The following ZC3H12B variants were observed in gnomAD, a reference collection of about 807,000 sequenced individuals.
ZC3H12B encodes the protein zinc finger CCCH-type containing 12B.
ZC3H12B carries 7 observed loss-of-function variants against 43.9 expected under a neutral mutation model. The observed-to-expected ratio is 0.16, with a 90% CI of 0.09 to 0.30. The LOEUF is 0.30. Ranked by LOEUF, ZC3H12B falls within the 10% of genes least tolerant of loss-of-function variation. The probability of loss-of-function intolerance (pLI) is 1.00; values close to 1 mark genes in which losing one functional copy is unlikely to be tolerated. For synonymous variants in ZC3H12B, 222 were observed against 241.7 expected (o/e 0.92, Z 0.76); for missense variants, 475 against 670.2 (o/e 0.71, Z 3.22).
upstream of ZC3H12B, among the ~76,000 whole-genome samples, chrX:65,484,265 C>G (rs2068098019): frequency 1.8e-5 from 2 of 111,059 alleles, no homozygotes; most frequent in East Asian, 5.7e-4. Context: ...GGGCTTAATA[C>G]CTGGGTGATG....
At chrX:65,344,235 C>T in the ZC3H12B span, among the ~76,000 whole-genome samples, 5 of 112,014 alleles carry the variant, frequency 4.5e-5, no homozygotes, top group African/African-American at 6.5e-5. Context: ...GAATTGATAT[C>T]GTTAAAATGG....
the ZC3H12B span, among the ~76,000 whole-genome samples, chrX:65,333,721 G>C: frequency 4.5e-5 from 5 of 111,363 alleles, no homozygotes. Context: ...ACACCTGTTA[G>C]AGTTCTATAG....
the ZC3H12B span, among the ~76,000 whole-genome samples, chrX:65,355,450 A>G: frequency 8.9e-6 from 1 of 111,748 alleles, no homozygotes; most frequent in South Asian, 3.8e-4. Flanking sequence ...AAAAGCATTG[A>G]GTTCAAAGCA....
intron 3 of ZC3H12B, among the ~76,000 whole-genome samples, chrX:65,441,194 T>A (rs2067296710): frequency 8.9e-6 from 1 of 111,741 alleles, no homozygotes; most frequent in African/African-American, 3.3e-5. Context: ...TATAAATTTA[T>A]AGGTACAGAA....
chrX:65,470,196 C>A, intron 3 of ZC3H12B: 1 of 122,637 alleles, frequency 8.2e-6, no homozygotes. Flanking sequence ...CTACTTTGGC[C>A]TCCCTAGAGT....
the ZC3H12B span, among the ~76,000 whole-genome samples, chrX:65,189,043 G>A: frequency 2.0e-5 from 2 of 97,727 alleles, no homozygotes; most frequent in Non-Finnish European, 4.0e-5. Context: ...GAGAATATGC[G>A]GTGTTTGGTT....
the ZC3H12B span, among the ~76,000 whole-genome samples, chrX:65,292,429 G>A: frequency 9.0e-6 from 1 of 110,805 alleles, no homozygotes; most frequent in South Asian, 3.8e-4. Flanking sequence ...CAAATGATGA[G>A]AACACATGGA....
At chrX:65,190,676 T>C in the ZC3H12B span, among the ~76,000 whole-genome samples, 1 of 110,344 alleles carries the variant, frequency 9.1e-6, no homozygotes, top group African/African-American at 3.3e-5. Flanking sequence ...TGAAGTTGCT[T>C]ATCATCTTCA....
At chrX:65,296,978 ACAT>A in the ZC3H12B span, among the ~76,000 whole-genome samples, 2 of 111,909 alleles carry the variant, frequency 1.8e-5, no homozygotes, top group South Asian at 7.4e-4. Flanking sequence ...CTCAGCAATG[ACAT>A]CATATAAGGG....
At chrX:65,387,509 C>A (rs990230270) in intron 2 of ZC3H12B, among the ~76,000 whole-genome samples, 1 of 111,935 alleles carries the variant, frequency 8.9e-6, no homozygotes, top group Non-Finnish European at 1.9e-5. Flanking sequence ...CTTCCTCCAT[C>A]CCTTTATTTT....
At chrX:65,221,396 A>T in the ZC3H12B span, among the ~76,000 whole-genome samples, 1 of 111,931 alleles carries the variant, frequency 8.9e-6, no homozygotes, top group Non-Finnish European at 1.9e-5. Context: ...AAAGATAAAT[A>T]AAACAAAAAG....
At chrX:65,144,195 C>G in the ZC3H12B span, among the ~76,000 whole-genome samples, 1 of 111,517 alleles carries the variant, frequency 9.0e-6, no homozygotes, top group African/African-American at 3.3e-5. Context: ...TTGGTCTGTT[C>G]AAGGTATCTG....
chrX:65,391,313 A>G (rs915815339), intron 2 of ZC3H12B, among the ~76,000 whole-genome samples: 1 of 112,514 alleles, frequency 8.9e-6, no homozygotes, highest in African/African-American at 3.2e-5. Flanking sequence ...GACATAAAAA[A>G]TTAAGTTATT....
the ZC3H12B span, among the ~76,000 whole-genome samples, chrX:65,349,983 G>C: frequency 8.9e-6 from 1 of 111,975 alleles, no homozygotes; most frequent in Non-Finnish European, 1.9e-5. Context: ...TAGAAAAAGA[G>C]GGAATCCTCC....
At chrX:65,176,470 T>A in the ZC3H12B span, among the ~76,000 whole-genome samples, 1 of 111,435 alleles carries the variant, frequency 9.0e-6, no homozygotes, top group Non-Finnish European at 1.9e-5. Flanking sequence ...TTCTGCAGAT[T>A]TAAGTGTTCC....
the ZC3H12B span, chrX:65,272,859 T>A: frequency 8.9e-6 from 1 of 112,266 alleles, no homozygotes; most frequent in Admixed American, 9.4e-5. Flanking sequence ...GAAATCAATA[T>A]CTACAAGAAG....
the ZC3H12B span, among the ~76,000 whole-genome samples, chrX:65,142,262 G>A: frequency 8.9e-6 from 1 of 112,081 alleles, no homozygotes. Context: ...TAGTGATGTT[G>A]AACATTTTTT....
At chrX:65,374,330 C>T (rs2066315137) in intron 2 of ZC3H12B, among the ~76,000 whole-genome samples, 1 of 97,368 alleles carries the variant, frequency 1.0e-5, no homozygotes, top group Non-Finnish European at 2.0e-5. Flanking sequence ...GCTATGCTCA[C>T]TACCTGGGTG....
chrX:65,257,153 C>T, the ZC3H12B span, among the ~76,000 whole-genome samples: 8 of 112,045 alleles, frequency 7.1e-5, no homozygotes, highest in East Asian at 2.8e-4. Flanking sequence ...CACATGCTCA[C>T]GTATGTTTAT....
Sources: allele counts gnomAD v4.1 joint callset (sites outside exome capture counted in the v4.1 genomes callset), GRCh38; gene constraint gnomAD v4.1.1; transcripts MANE v1.5; gene names NCBI Gene and HGNC (gene_info 2026-07-23, HGNC 2026-07-21).